The following RABGAP1 variants were observed in gnomAD, a reference collection of about 807,000 sequenced individuals.
RABGAP1 encodes RAB GTPase activating protein 1.
RABGAP1 carries 23 observed loss-of-function variants against 137.6 expected under a neutral mutation model. That is an observed-to-expected ratio of 0.17 (90% CI 0.12 to 0.24). RABGAP1 has a LOEUF of 0.24. RABGAP1 is among the 10% of genes least tolerant of loss of function. RABGAP1 has a pLI of 1.00. For synonymous variants in RABGAP1, 451 were observed against 450.7 expected, an observed-to-expected ratio of 1.00 and a Z score of -0.01; for missense variants, 906 against 1,275.8, an observed-to-expected ratio of 0.71 and a Z score of 4.42.
chr9:123,054,737 A>G (rs2033623788), intron 13 of RABGAP1, among the ~76,000 whole-genome samples: 1 of 151,966 alleles, frequency 6.6e-6, no homozygotes, highest in Admixed American at 6.6e-5. Flanking sequence ...TTAGGCTTGC[A>G]TTGTTTTGGA....
chr9:123,028,085 T>C (rs190395903), intron 13 of RABGAP1, among the ~76,000 whole-genome samples: 4 of 152,326 alleles, frequency 2.6e-5, no homozygotes, highest in Non-Finnish European at 5.9e-5. Context: ...CATGTTAAAA[T>C]TGCTATTTGA....
At chr9:123,080,908 A>C (rs1020946014) in intron 19 of RABGAP1, among the ~76,000 whole-genome samples, 1 of 152,132 alleles carries the variant, frequency 6.6e-6, no homozygotes, top group Non-Finnish European at 1.5e-5. Context: ...GGGTCCACTT[A>C]TACGTGGATT....
At chr9:122,961,075 G>A (rs1005350824) in intron 2 of RABGAP1, among the ~76,000 whole-genome samples, 1 of 152,028 alleles carries the variant, frequency 6.6e-6, no homozygotes, top group African/African-American at 2.4e-5. Flanking sequence ...ATCAAAAGGA[G>A]AGGAGAAAGA....
intron 10 of RABGAP1, among the ~76,000 whole-genome samples, chr9:123,002,960 A>G (rs1837413321): frequency 6.6e-6 from 1 of 152,030 alleles, no homozygotes; most frequent in African/African-American, 2.4e-5. Flanking sequence ...CCCGATGATA[A>G]TCTTTTATTT....
intron 21 of RABGAP1, among the ~76,000 whole-genome samples, chr9:123,097,270 A>G (rs1396223299): frequency 6.6e-5 from 10 of 152,242 alleles, no homozygotes; most frequent in Admixed American, 5.9e-4. Context: ...TTATCAGGTA[A>G]TAACAAGAGA....
intron 21 of RABGAP1, among the ~76,000 whole-genome samples, chr9:123,095,773 A>G (rs2035166081): frequency 6.6e-6 from 1 of 151,064 alleles, no homozygotes; most frequent in Non-Finnish European, 1.5e-5. Flanking sequence ...ACATACTCTG[A>G]TGTGTTGTGC....
rs368825533 is a variant in RABGAP1 at position 122,981,003 on chromosome 9, C to T, written c.151-3482C>T. Among the ~76,000 whole-genome samples, 4 of 152,172 alleles carry T rather than the reference C, an allele frequency of 2.6e-5. No individual in the cohort carries two copies. The South Asian group carries it at 8.3e-4, about 32-fold the overall frequency. ...GTGTTTCTCAGTCCTGGTTGTATAT[C>T]AGAATCATCTGTGGAGGTTTTTTGT... On this transcript the variant is annotated intron_variant, in intron 2 of 25. Coordinates refer to ENST00000373647, the MANE Select transcript of RABGAP1 (RefSeq NM_012197.4).
intron 10 of RABGAP1, among the ~76,000 whole-genome samples, chr9:123,008,690 ATAAT>A (rs2030529921): frequency 6.6e-6 from 1 of 152,216 alleles, no homozygotes; most frequent in African/African-American, 2.4e-5. Context: ...GTTAAAAATC[ATAAT>A]TATCAATTTA....
intron 19 of RABGAP1, 35 bp downstream of exon 19, chr9:123,076,797 T>C: frequency 6.6e-7 from 1 of 1,505,214 alleles, no homozygotes; most frequent in Non-Finnish European, 8.9e-7. Flanking sequence ...GATTCTGTTT[T>C]TCACTTAGTG....
intron 1 of RABGAP1, among the ~76,000 whole-genome samples, chr9:122,954,266 T>C (rs1588161806): frequency 1.3e-5 from 2 of 152,146 alleles, no homozygotes; most frequent in Admixed American, 1.3e-4. Flanking sequence ...TGGTTTTATC[T>C]ATGTTTGTGG....
chr9:123,022,670 G>A (rs2031717688), intron 13 of RABGAP1, among the ~76,000 whole-genome samples: 1 of 152,180 alleles, frequency 6.6e-6, no homozygotes, highest in African/African-American at 2.4e-5. Flanking sequence ...CTCCCAAAGT[G>A]CTGGGATTAC....
chr9:123,038,702 A>AT (rs1257379144), intron 13 of RABGAP1, among the ~76,000 whole-genome samples: 1 of 151,684 alleles, frequency 6.6e-6, no homozygotes, highest in Non-Finnish European at 1.5e-5. Context: ...CTTTTGTGTA[A>AT]TTTTTTTCAT....
chr9:123,034,486 G>A (rs2032499025), intron 13 of RABGAP1: 5 of 842,164 alleles, frequency 5.9e-6, no homozygotes, highest in Admixed American at 4.4e-5. Flanking sequence ...AAAGCTGACC[G>A]CAATGACAGC....
chr9:123,047,077 G>T (rs149779814), intron 13 of RABGAP1, among the ~76,000 whole-genome samples: 4 of 152,158 alleles, frequency 2.6e-5, no homozygotes, highest in Non-Finnish European at 5.9e-5. Context: ...TTAGAAAATA[G>T]GAGTTTTCAG....
chr9:123,068,348 C>CAAA (rs998962006), intron 14 of RABGAP1, among the ~76,000 whole-genome samples: 9 of 66,526 alleles, frequency 1.4e-4, no homozygotes, highest in African/African-American at 3.0e-4. Flanking sequence ...GACTCCATCT[C>CAAA]AAAAAAAAAA....
chr9:123,073,102 A>G (rs2034407516), intron 15 of RABGAP1, among the ~76,000 whole-genome samples: 1 of 152,214 alleles, frequency 6.6e-6, no homozygotes, highest in Non-Finnish European at 1.5e-5. Context: ...CTAGAATGAA[A>G]TAGCAGCTAA....
the RABGAP1 span, among the ~76,000 whole-genome samples, chr9:122,935,078 T>C: frequency 1.3e-5 from 2 of 152,226 alleles, no homozygotes; most frequent in Non-Finnish European, 2.9e-5. Flanking sequence ...CTGCCATTAC[T>C]GCTTTTTTGT....
At chr9:123,002,146 A>G (rs1837352530) in intron 10 of RABGAP1, among the ~76,000 whole-genome samples, 1 of 152,090 alleles carries the variant, frequency 6.6e-6, no homozygotes, top group East Asian at 1.9e-4. Context: ...TACTAAAAAT[A>G]CAAAATTAGC....
chr9:122,997,176 T>C (rs1361798448), intron 8 of RABGAP1, 83 bp from the exon 9 acceptor site: 9 of 996,414 alleles, frequency 9.0e-6, no homozygotes, highest in Non-Finnish European at 1.4e-5. Context: ...TTGCAGCTTC[T>C]GGTTTTTAAA....
Sources: allele counts gnomAD v4.1 joint callset (sites outside exome capture counted in the v4.1 genomes callset), GRCh38; gene constraint gnomAD v4.1.1; transcripts MANE v1.5; gene names NCBI Gene and HGNC (gene_info 2026-07-23, HGNC 2026-07-21).